The following SENP7 variants were observed in gnomAD, a reference collection of about 807,000 sequenced individuals.
The protein encoded by SENP7 is SUMO specific peptidase 7.
SENP7 carries 64 observed loss-of-function variants against 141.2 expected under a neutral mutation model. The ratio of observed to expected loss-of-function variants is 0.45; its 90% confidence interval spans 0.37 to 0.56. The LOEUF (loss-of-function observed/expected upper bound fraction) is 0.56. Ranked by LOEUF, SENP7 falls within the 20% of genes least tolerant of loss-of-function variation. The probability of loss-of-function intolerance (pLI) is 0.00; values close to 1 mark genes in which losing one functional copy is unlikely to be tolerated. For synonymous variants in SENP7, 382 were observed against 426.4 expected (o/e 0.90, Z 1.28); for missense variants, 1,025 against 1,212.2 (o/e 0.85, Z 2.29).
chr3:101,423,136 C>CA (rs569583821), intron 4 of SENP7, among the ~76,000 whole-genome samples: 1 of 151,782 alleles, frequency 6.6e-6, no homozygotes, highest in Non-Finnish European at 1.5e-5. Flanking sequence ...GACACTTCAC[C>CA]AAAAAAATGC....
In SENP7 at chr3:101,502,170, A is replaced by G. The variant is rs151195303; in HGVS notation, c.41-1051T>C. 1.9e-3 allele frequency among the ~76,000 whole-genome samples: 283 copies of G among 152,358 alleles called. 2 individuals are homozygous for G. Among genetic ancestry groups the G allele is most frequent in the Middle Eastern group, 6.8e-3 (2 of 294 alleles). On this transcript the variant is annotated intron_variant, in intron 1 of 23. Coordinates refer to ENST00000394095, the MANE Select transcript of SENP7 (RefSeq NM_020654.5). ...AGAACTTCTGATCCTACTGTAGCTC[A>G]TGAGCATGATGACTGGGTGTTCACA...
intron 4 of SENP7, among the ~76,000 whole-genome samples, chr3:101,427,001 C>G (rs1287638568): frequency 6.6e-6 from 1 of 152,114 alleles, no homozygotes; most frequent in Non-Finnish European, 1.5e-5. Flanking sequence ...TTCTATGAGG[C>G]CAGCATCATC....
intron 4 of SENP7, among the ~76,000 whole-genome samples, chr3:101,418,096 A>G (rs1275895660): frequency 2.0e-5 from 3 of 152,218 alleles, no homozygotes; most frequent in Admixed American, 6.5e-5. Flanking sequence ...GTTGAAGGAC[A>G]GTGTTCATTT....
chr3:101,474,827 GTTC>G (rs1461614922), intron 3 of SENP7, among the ~76,000 whole-genome samples: 2 of 152,060 alleles, frequency 1.3e-5, no homozygotes, highest in Non-Finnish European at 2.9e-5. Context: ...GTCATACATG[GTTC>G]TTATTATTTT....
Position 101,396,728 on chromosome 3 carries a change from A to G in SENP7, c.677+2133T>C, listed in dbSNP as rs117820838. Among the ~76,000 whole-genome samples, 60 of 152,312 alleles carry G rather than the reference A, an allele frequency of 3.9e-4. 1 individual carries two copies. The East Asian group carries it at 0.011, about 27-fold the overall frequency. ...TACATTGAGCTAAGTCCTAGGTATA[A>G]ATGCAAATAAGACACAATACCTCTT... On this transcript the variant is annotated intron_variant, in intron 6 of 23. Transcript: ENST00000394095.
At chr3:101,340,331 A>C (rs1576003768) in intron 15 of SENP7, 120 bp from the exon 16 acceptor site, 2 of 1,234,988 alleles carry the variant, frequency 1.6e-6, no homozygotes, top group East Asian at 5.7e-5. Flanking sequence ...GTAGGGTAAA[A>C]AACATTTGAC....
intron 2 of SENP7, among the ~76,000 whole-genome samples, chr3:101,500,599 TC>T (rs1258614728): frequency 6.6e-6 from 1 of 152,116 alleles, no homozygotes; most frequent in Non-Finnish European, 1.5e-5. Context: ...TTAAAACACT[TC>T]CTATATAGGT....
intron 12 of SENP7, among the ~76,000 whole-genome samples, 173 bp downstream of exon 12, chr3:101,351,445 A>G (rs1157505150): frequency 6.6e-6 from 1 of 151,906 alleles, no homozygotes; most frequent in Non-Finnish European, 1.5e-5. Context: ...TTTGATTTAT[A>G]GTCATTAAAA....
intron 1 of SENP7, among the ~76,000 whole-genome samples, chr3:101,503,721 A>G (rs1443737191): frequency 6.6e-6 from 1 of 151,944 alleles, no homozygotes; most frequent in Non-Finnish European, 1.5e-5. Flanking sequence ...TGAGGTGGGT[A>G]GATCGCTTGA....
At chr3:101,350,251 T>C (rs957052547) in intron 12 of SENP7, among the ~76,000 whole-genome samples, 1 of 152,182 alleles carries the variant, frequency 6.6e-6, no homozygotes, top group African/African-American at 2.4e-5. Context: ...TCAGATTACT[T>C]CTGGATTTCT....
intron 4 of SENP7, among the ~76,000 whole-genome samples, chr3:101,432,381 A>G (rs62280726): frequency 0.13 from 19,535 of 152,264 alleles, 1,317 homozygotes; most frequent in South Asian, 0.18. Flanking sequence ...CCTGAAGGGA[A>G]GAACACAGGC....
chr3:101,330,775 TTCAAGATAATTAAACATAA>T (rs1180124162), intron 19 of SENP7, among the ~76,000 whole-genome samples: 1 of 152,238 alleles, frequency 6.6e-6, no homozygotes, highest in Non-Finnish European at 1.5e-5. Context: ...CATTTGAGGT[TTCAAGATAATTAAACATAA>T]TCAGTTGCTT....
intron 20 of SENP7, 66 bp downstream of exon 20, chr3:101,330,267 AT>A (rs2107198323): frequency 8.2e-7 from 1 of 1,216,398 alleles, no homozygotes; most frequent in East Asian, 2.4e-5. Flanking sequence ...GCTATGCTCT[AT>A]TTTACAGATA....
chr3:101,337,038 A>G (rs1576819335), intron 17 of SENP7: 1 of 152,566 alleles, frequency 6.6e-6, no homozygotes, highest in East Asian at 1.9e-4. Flanking sequence ...CACAAAGCCA[A>G]AAACGGGGAC....
chr3:101,422,616 CTATT>C (rs965260142), intron 4 of SENP7, among the ~76,000 whole-genome samples: 2 of 152,078 alleles, frequency 1.3e-5, no homozygotes, highest in Admixed American at 1.3e-4. Context: ...ATCCAACTGT[CTATT>C]TATAAAGTGT....
chr3:101,463,372 T>TATATATATATATATATAC (rs1559864822), intron 3 of SENP7, among the ~76,000 whole-genome samples: 88 of 84,454 alleles, frequency 1.0e-3, no homozygotes, highest in African/African-American at 4.0e-3. Context: ...TAAATATATA[T>TATATATATATATATATAC]ATATATATAT....
chr3:101,420,439 AG>A (rs1399963171), intron 4 of SENP7, among the ~76,000 whole-genome samples: 3 of 152,210 alleles, frequency 2.0e-5, no homozygotes, highest in Non-Finnish European at 4.4e-5. Flanking sequence ...CCTTGTAGAG[AG>A]GGGGAACACA....
intron 3 of SENP7, among the ~76,000 whole-genome samples, chr3:101,463,734 A>T (rs761240911): frequency 3.3e-5 from 5 of 152,026 alleles, no homozygotes; most frequent in Non-Finnish European, 5.9e-5. Flanking sequence ...CTCACAAAAG[A>T]TGAGTATCAA....
chr3:101,513,024 C>G (rs1447784452), intron 1 of SENP7, 67 bp downstream of exon 1: 16 of 1,482,064 alleles, frequency 1.1e-5, no homozygotes, highest in Middle Eastern at 1.9e-4. Context: ...CCCCAGCTGC[C>G]GCCTGCGCCT....
Sources: allele counts gnomAD v4.1 joint callset (sites outside exome capture counted in the v4.1 genomes callset), GRCh38; gene constraint gnomAD v4.1.1; transcripts MANE v1.5; gene names NCBI Gene and HGNC (gene_info 2026-07-23, HGNC 2026-07-21).